NEK1: variants seen among roughly 807,000 people sequenced by gnomAD.
NEK1 encodes the protein serine/threonine-protein kinase Nek1.
In NEK1, 137 loss-of-function variants were observed where a neutral mutation model predicts 182.1. The observed-to-expected ratio is 0.75, with a 90% CI of 0.65 to 0.87. The LOEUF (loss-of-function observed/expected upper bound fraction) is 0.87. Ranked by LOEUF, NEK1 falls within the 40% of genes least tolerant of loss-of-function variation. The pLI is 0.00. For missense variants in NEK1, 1,391 were observed against 1,494.4 expected, an observed-to-expected ratio of 0.93 and a Z score of 1.14; for synonymous variants, 513 against 492.2, an observed-to-expected ratio of 1.04 and a Z score of -0.56.
rs547891372 is a variant in NEK1, at chr4:169,523,314, T to A, written c.1666-14462A>T. 6.2e-4 allele frequency among the ~76,000 whole-genome samples: 94 copies of A among 152,266 alleles called. 2 individuals carry two copies. The South Asian group carries it at 8.3e-3, about 13-fold the overall frequency. ...CCTAGTACCTCAGAATTAACCTTAT[T>A]TAGAGATAGGATGTTTCACAAGTTA... On this transcript the variant is annotated intron_variant, in intron 19 of 35. Transcript: ENST00000507142.
intron 18 of NEK1, among the ~76,000 whole-genome samples, chr4:169,539,792 A>G (rs1489267004): frequency 6.6e-6 from 1 of 152,122 alleles, no homozygotes; most frequent in East Asian, 1.9e-4. Flanking sequence ...CAAGTAGACA[A>G]GATAGGTGAT....
Position 169,507,065 on chromosome 4 carries a change from T to A in NEK1, c.1979A>T (p.Glu660Val), listed in dbSNP as rs1319472935. The change falls in exon 23 of 36, where the codon GAG becomes GTG. Residue 660 changes from glutamate to valine, a missense_variant. Transcript: ENST00000507142. Reference sequence around the variant, plus strand: ...CTCTTCCCACACTTTTTTTTCTCTCTCATAAGCCTCCTTTCTCTTTCGTTC... The same window carrying A: ...CTCTTCCCACACTTTTTTTTCTCTCACATAAGCCTCCTTTCTCTTTCGTTC... ...QLERKRKEAY[E>V]REKKVWEEHL... The A allele has an allele frequency of 6.8e-6, 11 of 1,609,366 alleles. No individual in the cohort carries two copies. Among genetic ancestry groups the A allele is most frequent in the Non-Finnish European group, 9.3e-6 (11 of 1,177,842 alleles).
intron 18 of NEK1, among the ~76,000 whole-genome samples, chr4:169,540,038 G>A (rs1362578809): frequency 6.6e-6 from 1 of 151,970 alleles, no homozygotes; most frequent in East Asian, 1.9e-4. Flanking sequence ...AACACTACTT[G>A]CTCTATGTAT....
Position 169,400,227 on chromosome 4 carries a change from T to C in NEK1, c.3845A>G (p.Glu1282Gly). ...HLVMADGAYQ[E>G]DNDE ...ACAGACATGTGAGGAAATCTTACCT[T>C]CTTGGTAGGCTCCATCTGCCATGAC... The change falls in exon 35 of 36, where the codon GAA becomes GGA. Residue 1282 changes from glutamate to glycine, a missense_variant and splice_region_variant. Glu to Gly is a moderately conservative substitution (Grantham distance 98). This residue lies in a region of NEK1 where 1,216 missense variants were observed against 1,277.6 expected (regional missense o/e 0.95). Coordinates refer to ENST00000507142, the MANE Select transcript of NEK1 (RefSeq NM_001199397.3). 6.3e-7 allele frequency: 1 copy of C among 1,578,684 alleles called. No homozygotes were observed. The highest frequency in any genetic ancestry group is 2.3e-5 in the East Asian group (1 of 43,958).
intron 27 of NEK1, among the ~76,000 whole-genome samples, chr4:169,453,337 A>G (rs1232586608): frequency 2.0e-5 from 3 of 152,258 alleles, no homozygotes; most frequent in Non-Finnish European, 4.4e-5. Flanking sequence ...GGAACCAAAA[A>G]AGAGCCCACA....
At chr4:169,610,790 G>A (rs1772194928) in intron 2 of NEK1, among the ~76,000 whole-genome samples, 2 of 152,200 alleles carry the variant, frequency 1.3e-5, no homozygotes, top group South Asian at 4.1e-4. Context: ...CTATAGACAG[G>A]CTGTCTTGAA....
chr4:169,453,522 G>A (rs1022162088), intron 27 of NEK1, among the ~76,000 whole-genome samples: 7 of 152,138 alleles, frequency 4.6e-5, no homozygotes, highest in South Asian at 2.1e-4. Context: ...TGGCCATAAC[G>A]CCCATGCTGG....
chr4:169,432,033 C>G (rs1359522932), intron 29 of NEK1, among the ~76,000 whole-genome samples: 1 of 150,302 alleles, frequency 6.7e-6, no homozygotes, highest in African/African-American at 2.5e-5. Flanking sequence ...AGAGTTTTTA[C>G]TAATTTATAA....
In NEK1 at chr4:169,393,551, T is replaced by C. The variant is rs1311611538; in HGVS notation, c.*959A>G. 6.6e-6 allele frequency: 1 copy of C among 152,240 alleles called. No homozygotes were observed. 9.4% of individuals were successfully genotyped at this position (152,240 alleles called of 1,614,324 possible). The stretch of plus-strand genomic sequence containing the variant: ...ATACTTGGCATATTGTGATTGAAGC[T>C]GTGTGATCAACATCTTAATGACCTA... On this transcript the variant is annotated 3_prime_UTR_variant, in exon 36 of 36. Coordinates refer to ENST00000507142, the MANE Select transcript of NEK1 (RefSeq NM_001199397.3).
At chr4:169,419,623 C>G (rs2111268762) in intron 31 of NEK1, among the ~76,000 whole-genome samples, 1 of 152,258 alleles carries the variant, frequency 6.6e-6, no homozygotes, top group South Asian at 2.1e-4. Flanking sequence ...AATGGAAGTA[C>G]AGTCATGCTT....
rs1767369480 is a variant in NEK1, at chr4:169,585,400, T to A, written c.756A>T (p.Ile252=). 6.2e-7 allele frequency: 1 copy of A among 1,613,630 alleles called. No individual in the cohort carries two copies. The highest frequency in any genetic ancestry group is 1.3e-5 in the African/African-American group (1 of 74,910). The change falls in exon 10 of 36, where the codon ATA becomes ATT. Residue 252 remains isoleucine, a synonymous_variant. Coordinates refer to ENST00000507142, the MANE Select transcript of NEK1 (RefSeq NM_001199397.3). ...GTTTGGCTATAAAACCTTTCTCCAA[T>A]ATGGAGTTGACTGATGGTCTATCCC... ...NPRDRPSVNS[I]LEKGFIAKRI... is the part of the protein sequence containing the mutation.
chr4:169,416,003 T>C (rs1453784978), intron 31 of NEK1, among the ~76,000 whole-genome samples: 2 of 152,162 alleles, frequency 1.3e-5, no homozygotes, highest in Non-Finnish European at 2.9e-5. Flanking sequence ...TCCACTTTTA[T>C]CTCTTTAAGA....
intron 19 of NEK1, among the ~76,000 whole-genome samples, chr4:169,529,603 C>T (rs185582191): frequency 1.3e-5 from 2 of 152,242 alleles, no homozygotes; most frequent in African/African-American, 4.8e-5. Context: ...AAAGCCTCAT[C>T]CTCTGCAAAA....
chr4:169,403,779 G>A (rs1331142694), intron 32 of NEK1, among the ~76,000 whole-genome samples: 3 of 151,796 alleles, frequency 2.0e-5, no homozygotes, highest in South Asian at 2.1e-4. Context: ...TTTACTAAAT[G>A]AGCACCAAAA....
At chr4:169,474,893 C>T (rs1443010724) in intron 26 of NEK1, among the ~76,000 whole-genome samples, 1 of 152,162 alleles carries the variant, frequency 6.6e-6, no homozygotes, top group Non-Finnish European at 1.5e-5. Context: ...TCAAGGATAT[C>T]TACTTCTTAT....
At chr4:169,444,662 T>C (rs1414307012) in intron 27 of NEK1, among the ~76,000 whole-genome samples, 3 of 152,154 alleles carry the variant, frequency 2.0e-5, no homozygotes, top group African/African-American at 7.2e-5. Context: ...AGTTGTGGAC[T>C]TCAACGCCCC....
At chr4:169,590,913 C>A in intron 5 of NEK1, 104 bp from the exon 6 acceptor site, 2 of 760,608 alleles carry the variant, frequency 2.6e-6, no homozygotes, top group Non-Finnish European at 4.3e-6. Context: ...ATATTTTAGG[C>A]TACAATTTCT....
intron 12 of NEK1, among the ~76,000 whole-genome samples, chr4:169,571,686 G>C (rs1274469925): frequency 6.6e-6 from 1 of 152,080 alleles, no homozygotes; most frequent in Non-Finnish European, 1.5e-5. Flanking sequence ...ACTTGGAAAG[G>C]TAATGAGGCT....
At chr4:169,428,691 C>T (rs959376123) in intron 29 of NEK1, among the ~76,000 whole-genome samples, 1 of 151,926 alleles carries the variant, frequency 6.6e-6, no homozygotes, top group Admixed American at 6.6e-5. Context: ...TTGACTTGTA[C>T]AATTTTAAAT....
Sources: gnomAD v4.1 joint callset for allele counts (sites outside exome capture counted in the v4.1 genomes callset) on GRCh38, gnomAD v4.1.1 for gene constraint, gnomAD v4.1.1 regional missense constraint, MANE v1.5 for transcripts, NCBI Gene and HGNC (gene_info 2026-07-23, HGNC 2026-07-21) for gene names.